Variants in WASF2 observed in about 807,000 individuals in gnomAD.
The protein encoded by WASF2 is actin-binding protein WASF2.
In WASF2, 14 loss-of-function variants were observed where a neutral mutation model predicts 45.0. The observed-to-expected ratio is 0.31, with a 90% CI of 0.21 to 0.49. The LOEUF (loss-of-function observed/expected upper bound fraction) is 0.49, where lower values mean the gene tolerates loss of function less well. WASF2 is among the 20% of genes least tolerant of loss of function. The pLI is 0.99. For missense variants in WASF2, 439 were observed against 636.1 expected (o/e 0.69, Z 3.33); for synonymous variants, 200 against 236.3 (o/e 0.85, Z 1.41).
intron 1 of WASF2, among the ~76,000 whole-genome samples, chr1:27,438,230 G>A (rs1203897662): frequency 6.6e-6 from 1 of 152,196 alleles, no homozygotes; most frequent in Non-Finnish European, 1.5e-5. Flanking sequence ...CTATGCGATG[G>A]AGAAGATGGG....
chr1:27,409,681 T>C lies in WASF2; in HGVS notation c.1339+11A>G, dbSNP rs200789044. On this transcript the variant is annotated intron_variant, in intron 8 of 8. Transcript: ENST00000618852. ...AGGCTCCACAGTCCCAAACCCACCA[T>C]TGAAATTTACCTTGACGGATGGCTG... 5.8e-5 allele frequency: 87 copies of C among 1,488,312 alleles called. No homozygotes were observed. Among genetic ancestry groups the C allele is most frequent in the African/African-American group, 2.8e-4 (20 of 71,190 alleles). 92.2% of individuals were successfully genotyped at this position (1,488,312 alleles called of 1,614,324 possible).
chr1:27,459,992 A>C (rs2017523103), intron 1 of WASF2, among the ~76,000 whole-genome samples: 1 of 152,246 alleles, frequency 6.6e-6, no homozygotes, highest in South Asian at 2.1e-4. Flanking sequence ...TAAGTATAAC[A>C]GATCAATGAG....
chr1:27,457,192 T>C (rs2017481296), intron 1 of WASF2: 1 of 152,196 alleles, frequency 6.6e-6, no homozygotes, highest in Admixed American at 6.5e-5. Context: ...TTTCTATTTT[T>C]TTCTTACATC....
At chr1:27,487,590 T>TTTATACAATATATAATATATA (rs1557626550) in intron 1 of WASF2, among the ~76,000 whole-genome samples, 1 of 96,604 alleles carries the variant, frequency 1.0e-5, no homozygotes, top group Non-Finnish European at 1.8e-5. Flanking sequence ...TTATATATAT[T>TTTATACAATATATAATATATA]TTATATAATA....
At chr1:27,489,740 T>C (rs1407573758) in intron 1 of WASF2, among the ~76,000 whole-genome samples, 1 of 152,086 alleles carries the variant, frequency 6.6e-6, no homozygotes. Context: ...GCCGGGACAC[T>C]CATAGTCCCT....
At chr1:27,430,013 G>C (rs958073871) in intron 1 of WASF2, among the ~76,000 whole-genome samples, 2 of 152,182 alleles carry the variant, frequency 1.3e-5, no homozygotes, top group Non-Finnish European at 2.9e-5. Context: ...GAGACAGCAG[G>C]AAATGTCTGG....
At chr1:27,451,659 C>A (rs2017384958) in intron 1 of WASF2, among the ~76,000 whole-genome samples, 1 of 152,074 alleles carries the variant, frequency 6.6e-6, no homozygotes, top group African/African-American at 2.4e-5. Flanking sequence ...AGGCAGAAGT[C>A]CAAGTGGAAG....
chr1:27,450,171 A>G (rs1417510908), intron 1 of WASF2, among the ~76,000 whole-genome samples: 2 of 93,044 alleles, frequency 2.1e-5, no homozygotes, highest in Non-Finnish European at 4.8e-5. Flanking sequence ...ATTAGAGACC[A>G]AGACTACCGT....
rs1201997623 is a variant in WASF2 at position 27,409,933 on chromosome 1, A to T, written c.1098T>A (p.Pro366=). ...AGTCAGCTGCTGGTGGTGGAGGAGG[A>T]GGTGGAGGGGCAGCAAAATCAGGGT... is the stretch of plus-strand genomic sequence containing the variant. The part of the protein sequence containing the change: ...PPHPDFAAPP[P]PPPPPAADYP... The change falls in exon 8 of 9, where the codon CCT becomes CCA. Residue 366 remains proline (P), a synonymous_variant. Coordinates refer to ENST00000618852, the MANE Select transcript of WASF2 (RefSeq NM_006990.5). The T allele has an allele frequency of 1.9e-6, 3 of 1,600,414 alleles. No individual in the cohort carries two copies. The South Asian group carries it at 3.4e-5, about 18-fold the overall frequency.
intron 1 of WASF2, among the ~76,000 whole-genome samples, chr1:27,450,036 C>T (rs1214090611): frequency 2.0e-5 from 3 of 151,828 alleles, no homozygotes; most frequent in African/African-American, 4.8e-5. Context: ...CCCAGCTATT[C>T]GGGAAGCTGA....
At chr1:27,482,210 T>C (rs1313762978) in intron 1 of WASF2, among the ~76,000 whole-genome samples, 2 of 152,026 alleles carry the variant, frequency 1.3e-5, no homozygotes, top group Non-Finnish European at 1.5e-5. Flanking sequence ...TTGTACAGAG[T>C]TGGCCAAAAG....
chr1:27,480,482 A>G (rs1250607695), intron 1 of WASF2, among the ~76,000 whole-genome samples: 1 of 151,930 alleles, frequency 6.6e-6, no homozygotes, highest in African/African-American at 2.4e-5. Flanking sequence ...GCACCACTGC[A>G]CTCCAGCCTG....
chr1:27,454,470 G>A (rs1196014928), intron 1 of WASF2, among the ~76,000 whole-genome samples: 1 of 151,500 alleles, frequency 6.6e-6, no homozygotes, highest in Non-Finnish European at 1.5e-5. Context: ...CCAAGTAGCT[G>A]GGACCACAGG....
chr1:27,485,443 A>G (rs751698111), intron 1 of WASF2, among the ~76,000 whole-genome samples: 8 of 152,094 alleles, frequency 5.3e-5, no homozygotes, highest in Non-Finnish European at 1.0e-4. Context: ...AAAAAAGAAA[A>G]TAAAAGAAAT....
Position 27,487,673 on chromosome 1 carries a change from A to T in WASF2, c.-44+2313T>A, listed in dbSNP as rs1182645570. On this transcript the variant is annotated intron_variant, in intron 1 of 8. Transcript: ENST00000618852. ...ATATTATATAATATATATTATATAT[A>T]TTTTATATAATATATAATATATATT... 5.7e-5 allele frequency among the ~76,000 whole-genome samples: 6 copies of T among 105,786 alleles called. No homozygotes were observed. In the East Asian group the frequency reaches 1.4e-3, roughly 24 times the overall value. The allele number at this position is 105,786 out of a possible 152,430, so 69.4% of individuals were successfully genotyped here.
intron 1 of WASF2, among the ~76,000 whole-genome samples, chr1:27,451,617 G>C (rs1162724981): frequency 6.6e-6 from 1 of 152,134 alleles, no homozygotes; most frequent in Non-Finnish European, 1.5e-5. Context: ...CAGCAGTATG[G>C]AGAATGTACT....
intron 1 of WASF2, among the ~76,000 whole-genome samples, chr1:27,460,440 A>C (rs898031711): frequency 6.6e-6 from 1 of 152,234 alleles, no homozygotes; most frequent in Non-Finnish European, 1.5e-5. Flanking sequence ...AATCCATGGT[A>C]AACAAGATTC....
At chr1:27,461,969 A>AT (rs1335668650) in intron 1 of WASF2, among the ~76,000 whole-genome samples, 2 of 137,318 alleles carry the variant, frequency 1.5e-5, no homozygotes, top group African/African-American at 5.6e-5. Context: ...GCCACTCACT[A>AT]TTTTATTACT....
chr1:27,464,760 G>A (rs907123141), intron 1 of WASF2, among the ~76,000 whole-genome samples: 1 of 152,096 alleles, frequency 6.6e-6, no homozygotes, highest in Non-Finnish European at 1.5e-5. Context: ...ACAGAGTCTC[G>A]CTCTGTCGCC....
Sources: gnomAD v4.1 joint callset for allele counts (sites outside exome capture counted in the v4.1 genomes callset) on GRCh38, gnomAD v4.1.1 for gene constraint, MANE v1.5 for transcripts, NCBI Gene and HGNC (gene_info 2026-07-23, HGNC 2026-07-21) for gene names.